Variants in ZFAT observed in about 807,000 individuals in gnomAD.
ZFAT encodes zinc finger protein ZFAT.
In ZFAT, 64 loss-of-function variants were observed where a neutral mutation model predicts 117.7. That is an observed-to-expected ratio of 0.54 (90% CI 0.44 to 0.67). ZFAT has a LOEUF of 0.67. Among genes scored for constraint, ZFAT ranks in the 30% least tolerant of loss-of-function variants. The probability of loss-of-function intolerance (pLI) is 0.00; values close to 1 mark genes in which losing one functional copy is unlikely to be tolerated. For synonymous variants in ZFAT, 679 were observed against 615.0 expected (o/e 1.10, Z -1.54); for missense variants, 1,433 against 1,584.5 (o/e 0.90, Z 1.62).
the ZFAT span, among the ~76,000 whole-genome samples, chr8:134,767,836 T>C: frequency 2.0e-4 from 31 of 152,342 alleles, no homozygotes; most frequent in African/African-American, 7.0e-4. Context: ...GCTTGACATT[T>C]CTATGGTCTT....
At chr8:134,577,571 G>T (rs1313116394) in intron 10 of ZFAT, among the ~76,000 whole-genome samples, 1 of 152,182 alleles carries the variant, frequency 6.6e-6, no homozygotes, top group Non-Finnish European at 1.5e-5. Context: ...ACCACTTCAT[G>T]CAAGGCACTT....
the ZFAT span, among the ~76,000 whole-genome samples, chr8:134,743,899 G>C: frequency 6.6e-6 from 1 of 152,146 alleles, no homozygotes; most frequent in Admixed American, 6.5e-5. Context: ...GGCCAAAAGG[G>C]CACACTGGTT....
chr8:134,717,466 CTTTTTTTTTTTTT>C (rs746460924), upstream of ZFAT, among the ~76,000 whole-genome samples: 113 of 19,346 alleles, frequency 5.8e-3, 1 homozygote, highest in African/African-American at 7.9e-3. Context: ...AATAACAACT[CTTTTTTTTTTTTT>C]TTTTTTTTTT....
At chr8:134,512,392 C>T (rs1049334103) in intron 14 of ZFAT, 83 bp downstream of exon 14, 2 of 1,550,944 alleles carry the variant, frequency 1.3e-6, no homozygotes, top group Admixed American at 1.8e-5. Context: ...ACCTGATGGA[C>T]ATCATTCATC....
chr8:134,650,417 C>T (rs2315839), intron 2 of ZFAT, among the ~76,000 whole-genome samples: 55,811 of 151,952 alleles, frequency 0.37, 10,590 homozygotes, highest in South Asian at 0.54. Context: ...TGAGCCACTG[C>T]GCCCGGCCTA....
chr8:134,761,489 C>G, the ZFAT span, among the ~76,000 whole-genome samples: 2 of 151,498 alleles, frequency 1.3e-5, no homozygotes, highest in Non-Finnish European at 2.9e-5. Flanking sequence ...ATCACGAGAT[C>G]AAGAGATCGA....
rs1421327560 is a variant in ZFAT at position 134,579,146 on chromosome 8, G to A, written c.2887+4686C>T. Among the ~76,000 whole-genome samples the A allele has an allele frequency of 2.0e-5, 3 of 152,278 alleles. No homozygotes were observed. The East Asian group carries it at 5.8e-4, about 29-fold the overall frequency. Reference sequence around the variant, plus strand: ...AATGTTGAGCACGCTAAGCTTGGGGGGCCAGGTGGGCATCCAAATGCAGAT... The same window carrying A: ...AATGTTGAGCACGCTAAGCTTGGGGAGCCAGGTGGGCATCCAAATGCAGAT... On this transcript the variant is annotated intron_variant, in intron 10 of 15. Coordinates refer to ENST00000377838, the MANE Select transcript of ZFAT (RefSeq NM_020863.4).
At chr8:134,720,330 A>T in the ZFAT span, among the ~76,000 whole-genome samples, 9 of 152,352 alleles carry the variant, frequency 5.9e-5, no homozygotes, top group Admixed American at 5.9e-4. Context: ...GCAGCAAAAG[A>T]TAACTTAGTA....
the ZFAT span, among the ~76,000 whole-genome samples, chr8:134,825,092 T>G: frequency 1.3e-5 from 2 of 152,236 alleles, no homozygotes; most frequent in Admixed American, 1.3e-4. Context: ...CTAAAAATGA[T>G]CATCATTGTG....
At chr8:134,629,173 T>C (rs996741111) in intron 3 of ZFAT, among the ~76,000 whole-genome samples, 21 of 151,994 alleles carry the variant, frequency 1.4e-4, no homozygotes, top group Non-Finnish European at 2.8e-4. Flanking sequence ...GGCTGAATGG[T>C]GGGGGCCAGT....
At chr8:134,768,685 T>A in the ZFAT span, among the ~76,000 whole-genome samples, 1 of 152,188 alleles carries the variant, frequency 6.6e-6, no homozygotes, top group Admixed American at 6.5e-5. Context: ...CCTGCCTCCA[T>A]GATTTAATTA....
At chr8:134,599,806 T>C (rs1827268263) in intron 7 of ZFAT, 1 of 455,486 alleles carries the variant, frequency 2.2e-6, no homozygotes, top group Non-Finnish European at 4.4e-6. Context: ...TGAGTTAGAT[T>C]AGAATTTGCA....
chr8:134,614,675 A>G (rs73711273), intron 3 of ZFAT, among the ~76,000 whole-genome samples: 11,108 of 152,254 alleles, frequency 0.073, 482 homozygotes, highest in African/African-American at 0.085. Context: ...GTTGTGTTCA[A>G]AAAGATGAAG....
intron 3 of ZFAT, 140 bp from the exon 4 acceptor site, chr8:134,610,795 GTAGGT>G: frequency 5.4e-6 from 5 of 928,384 alleles, no homozygotes; most frequent in Admixed American, 5.4e-5. Flanking sequence ...CGGAATCACT[GTAGGT>G]ACCACGGTGG....
chr8:134,498,038 T>A (rs1360668904), intron 15 of ZFAT, among the ~76,000 whole-genome samples: 20 of 68,286 alleles, frequency 2.9e-4, no homozygotes, highest in Admixed American at 5.5e-4. Flanking sequence ...GGTGGAGCCG[T>A]GATGCCCCTG....
At chr8:134,600,329 T>C (rs756747526) in intron 7 of ZFAT, 107 bp downstream of exon 7, 2 of 1,025,842 alleles carry the variant, frequency 1.9e-6, no homozygotes, top group South Asian at 2.6e-5. Context: ...GATCTCTCTA[T>C]GTTTTCAGGG....
chr8:134,615,399 G>C (rs1828647347), intron 3 of ZFAT, among the ~76,000 whole-genome samples: 1 of 152,132 alleles, frequency 6.6e-6, no homozygotes. Context: ...ATGTTAGCCA[G>C]ACTGGTCTCA....
At chr8:134,726,616 A>G in the ZFAT span, among the ~76,000 whole-genome samples, 1 of 151,992 alleles carries the variant, frequency 6.6e-6, no homozygotes, top group Non-Finnish European at 1.5e-5. Context: ...TTTCTTTGAG[A>G]TGGGGTCTCA....
chr8:134,680,224 T>C (rs1361817663), intron 1 of ZFAT, among the ~76,000 whole-genome samples: 18 of 144,508 alleles, frequency 1.2e-4, no homozygotes, highest in Non-Finnish European at 7.5e-5. Flanking sequence ...ATCGCACCAC[T>C]GTACTCCAGC....
Sources: gnomAD v4.1 joint callset for allele counts (sites outside exome capture counted in the v4.1 genomes callset) on GRCh38, gnomAD v4.1.1 for gene constraint, MANE v1.5 for transcripts, NCBI Gene and HGNC (gene_info 2026-07-23, HGNC 2026-07-21) for gene names.